Variants in ATP8B1 observed in about 807,000 individuals in gnomAD.
The protein encoded by ATP8B1 is phospholipid-transporting ATPase IC.
A neutral mutation model predicts 149.9 loss-of-function variants in ATP8B1; 80 were observed. That is an observed-to-expected ratio of 0.53 (90% CI 0.45 to 0.64). ATP8B1 has a LOEUF of 0.64. ATP8B1 is among the 30% of genes least tolerant of loss of function. The probability of loss-of-function intolerance (pLI) is 0.00; values close to 1 mark genes in which losing one functional copy is unlikely to be tolerated. For missense variants in ATP8B1, 1,247 were observed against 1,552.6 expected (o/e 0.80, Z 3.31); for synonymous variants, 536 against 562.8 (o/e 0.95, Z 0.67).
At chr18:57,708,219 C>T (rs1236509567) in intron 2 of ATP8B1, among the ~76,000 whole-genome samples, 1 of 148,380 alleles carries the variant, frequency 6.7e-6, no homozygotes, top group Non-Finnish European at 1.5e-5. Context: ...AAATAATTAA[C>T]CTGATTGCTT....
intron 2 of ATP8B1, among the ~76,000 whole-genome samples, chr18:57,727,985 G>A (rs970477200): frequency 2.6e-5 from 4 of 152,056 alleles, no homozygotes; most frequent in Non-Finnish European, 5.9e-5. Context: ...CGAACCTGTG[G>A]GCTTATCTTT....
In ATP8B1 at chr18:57,661,676, T is replaced by TACACACACAC. The variant is rs368698002; in HGVS notation, c.2419-224_2419-215dup. ...ACATATATGTATGTGTGTATGTATA[T>TACACACACAC]ACACACACACACACACACACATATA... On this transcript the variant is annotated intron_variant, in intron 21 of 27. Transcript: ENST00000648908. Among the ~76,000 whole-genome samples the TACACACACAC allele has an allele frequency of 5.8e-3, 605 of 104,460 alleles. 6 individuals carry two copies. The highest frequency in any genetic ancestry group is 0.023 in the East Asian group (56 of 2,394). The allele number at this position is 104,460 out of a possible 152,430, so 68.5% of individuals were successfully genotyped here. A position where few individuals can be genotyped will look rare whatever the true frequency, so the allele number is the denominator to read the frequency against.
chr18:57,648,295 G>A lies in ATP8B1; in HGVS notation c.*193C>T. ...GCCACCACGCCCGGCCGAATAATAG[G>A]ACTTTTAAAAGTCCTATTTCTTGGC... On this transcript the variant is annotated 3_prime_UTR_variant, in exon 28 of 28. Coordinates refer to ENST00000648908, the MANE Select transcript of ATP8B1 (RefSeq NM_001374385.1). The A allele has an allele frequency of 1.4e-6, 1 of 739,568 alleles. No homozygotes were observed. The highest frequency in any genetic ancestry group is 2.3e-6 in the Non-Finnish European group (1 of 439,210). The allele number at this position is 739,568 out of a possible 1,614,324, so 45.8% of individuals were successfully genotyped here.
chr18:57,661,216 G>C lies in ATP8B1; in HGVS notation c.2665C>G (p.Leu889Val). Residue 889 changes from leucine (L) to valine (V), a missense_variant, in exon 22 of 28, where the codon CTG becomes GTG. Leu to Val is a conservative substitution (Grantham distance 32). Coordinates refer to ENST00000648908, the MANE Select transcript of ATP8B1 (RefSeq NM_001374385.1). ...LVKRYKKAIT[L>V]AIGDGANDVN... Reference sequence around the variant, plus strand: ...TCATTGGCCCCATCTCCGATGGCCAGCGTGATGGCTTTCTTGTACCTCTTC... The same window carrying C: ...TCATTGGCCCCATCTCCGATGGCCACCGTGATGGCTTTCTTGTACCTCTTC... 6.2e-7 allele frequency: 1 copy of C among 1,614,036 alleles called. No homozygotes were observed. The highest frequency in any genetic ancestry group is 8.5e-7 in the Non-Finnish European group (1 of 1,180,018).
intron 1 of ATP8B1, among the ~76,000 whole-genome samples, chr18:57,757,769 A>G (rs2080099021): frequency 6.6e-6 from 1 of 152,210 alleles, no homozygotes; most frequent in Non-Finnish European, 1.5e-5. Flanking sequence ...CAGTATCACT[A>G]CATAAAGTAT....
At chr18:57,715,347 G>T (rs372485765) in intron 2 of ATP8B1, among the ~76,000 whole-genome samples, 2 of 151,940 alleles carry the variant, frequency 1.3e-5, no homozygotes, top group Admixed American at 1.3e-4. Context: ...GAATAAAAAA[G>T]AAAGAAGTAC....
chr18:57,752,813 C>T (rs1178081347), intron 1 of ATP8B1, among the ~76,000 whole-genome samples: 1 of 152,176 alleles, frequency 6.6e-6, no homozygotes, highest in East Asian at 1.9e-4. Context: ...ATTTTATTCT[C>T]TGCAATAGCT....
At chr18:57,796,745 G>A (rs980674421) in intron 1 of ATP8B1, among the ~76,000 whole-genome samples, 1 of 152,128 alleles carries the variant, frequency 6.6e-6, no homozygotes. Flanking sequence ...AGAGTGCAGT[G>A]GTGCAATCTC....
At chr18:57,797,357 C>T (rs1212901340) in intron 1 of ATP8B1, among the ~76,000 whole-genome samples, 1 of 152,204 alleles carries the variant, frequency 6.6e-6, no homozygotes, top group East Asian at 1.9e-4. Flanking sequence ...AAAGGTCAGG[C>T]TCCACAGTAC....
chr18:57,717,138 A>G (rs2079590084), intron 2 of ATP8B1, among the ~76,000 whole-genome samples: 1 of 152,240 alleles, frequency 6.6e-6, no homozygotes, highest in African/African-American at 2.4e-5. Context: ...TAATGGAAAC[A>G]TGATAAACCA....
intron 11 of ATP8B1, among the ~76,000 whole-genome samples, chr18:57,693,851 G>T (rs969207725): frequency 6.6e-6 from 1 of 152,138 alleles, no homozygotes; most frequent in Admixed American, 6.6e-5. Flanking sequence ...TCTCTCATGA[G>T]CTTCCCTGGT....
chr18:57,797,762 C>T (rs2080529921), intron 1 of ATP8B1, among the ~76,000 whole-genome samples: 1 of 130,784 alleles, frequency 7.6e-6, no homozygotes, highest in Non-Finnish European at 1.5e-5. Flanking sequence ...GGCTGGAGTA[C>T]AATGGCAAGG....
chr18:57,706,556 GC>G lies in ATP8B1; in HGVS notation c.212del (p.Arg71ProfsTer10). On this transcript the variant is annotated frameshift_variant, in exon 3 of 28. Coordinates refer to ENST00000648908, the MANE Select transcript of ATP8B1 (RefSeq NM_001374385.1). LOFTEE classifies it high-confidence loss of function. ...ECTWQVKAND[R>X]KYHEQPHFMN... The stretch of plus-strand genomic sequence containing the variant: ...TAAAGTGAGGTTGTTCGTGGTACTT[GC>G]GATCGTTTGCTTTGACTTGCCATGT... The G allele has an allele frequency of 6.2e-7, 1 of 1,614,052 alleles. No homozygotes were observed.
chr18:57,688,605 A>G lies in ATP8B1; in HGVS notation c.1221-98T>C, dbSNP rs557430008. On this transcript the variant is annotated intron_variant, in intron 12 of 27. Transcript: ENST00000648908. Reference sequence around the variant, plus strand: ...TTGTACAGACGAGAGCAAGCTGCTTATTTACTGCTATGGTCTGAATGTTAG... The same window carrying G: ...TTGTACAGACGAGAGCAAGCTGCTTGTTTACTGCTATGGTCTGAATGTTAG... 11 of 1,180,886 alleles carry G rather than the reference A, an allele frequency of 9.3e-6. No homozygotes were observed. The South Asian group carries it at 1.3e-4, about 14-fold the overall frequency. The allele number at this position is 1,180,886 out of a possible 1,614,324, so 73.2% of individuals were successfully genotyped here. A position where few individuals can be genotyped will look rare whatever the true frequency, so the allele number is the denominator to read the frequency against.
At chr18:57,684,279 T>A in intron 14 of ATP8B1, 87 bp from the exon 15 acceptor site, 1 of 1,423,698 alleles carries the variant, frequency 7.0e-7, no homozygotes, top group South Asian at 1.2e-5. Flanking sequence ...AAAGGCAAGG[T>A]TTCAATTATG....
intron 26 of ATP8B1, among the ~76,000 whole-genome samples, chr18:57,650,928 G>A (rs1041538283): frequency 3.3e-5 from 5 of 152,090 alleles, no homozygotes; most frequent in Non-Finnish European, 5.9e-5. Flanking sequence ...AACTGGATTG[G>A]CCTCCCCAAA....
chr18:57,667,080 G>T lies in ATP8B1; in HGVS notation c.2285+12C>A. ...GCTATTACGTAATTTCATACTGCAG[G>T]CTTTTACTCACTTAATATCCTCCCC... On this transcript the variant is annotated intron_variant, in intron 20 of 27. Coordinates refer to ENST00000648908, the MANE Select transcript of ATP8B1 (RefSeq NM_001374385.1). 1 of 1,599,358 alleles carries T rather than the reference G, an allele frequency of 6.3e-7. No homozygotes were observed. The highest frequency in any genetic ancestry group is 8.6e-7 in the Non-Finnish European group (1 of 1,166,644).
At chr18:57,782,628 G>T (rs931284500) in intron 1 of ATP8B1, among the ~76,000 whole-genome samples, 1 of 151,992 alleles carries the variant, frequency 6.6e-6, no homozygotes, top group Non-Finnish European at 1.5e-5. Flanking sequence ...AAGAATGAAT[G>T]GTGCGCACAC....
At chr18:57,797,359 C>T (rs907171206) in intron 1 of ATP8B1, among the ~76,000 whole-genome samples, 8 of 152,192 alleles carry the variant, frequency 5.3e-5, no homozygotes, top group Admixed American at 5.2e-4. Context: ...AGGTCAGGCT[C>T]CACAGTACTC....
Sources: gnomAD v4.1 joint callset for allele counts (sites outside exome capture counted in the v4.1 genomes callset) on GRCh38, gnomAD v4.1.1 for gene constraint, MANE v1.5 for transcripts, NCBI Gene and HGNC (gene_info 2026-07-23, HGNC 2026-07-21) for gene names.